LY6H: variants seen among roughly 807,000 people sequenced by gnomAD.
LY6H encodes the protein lymphocyte antigen 6H.
A neutral mutation model predicts 14.6 loss-of-function variants in LY6H; 8 were observed. The ratio of observed to expected loss-of-function variants is 0.55; its 90% CI spans 0.32 to 0.99. The LOEUF (loss-of-function observed/expected upper bound fraction) is 0.99. Ranked by LOEUF, LY6H falls within the 50% of genes least tolerant of loss-of-function variation. LY6H has a pLI of 0.04. For missense variants in LY6H, 196 were observed against 219.6 expected, an observed-to-expected ratio of 0.89 and a Z score of 0.68; for synonymous variants, 115 against 97.2, an observed-to-expected ratio of 1.18 and a Z score of -1.08.
intron 1 of LY6H, 151 bp from the exon 2 acceptor site, chr8:143,159,860 A>T (rs562046783): frequency 0.034 from 38,676 of 1,140,974 alleles, 808 homozygotes; most frequent in Non-Finnish European, 0.039. Flanking sequence ...GTCCGCCGTC[A>T]CAGCATCCCC....
intron 2 of LY6H, 186 bp downstream of exon 2, chr8:143,159,396 A>G: frequency 1.5e-6 from 1 of 653,722 alleles, no homozygotes; most frequent in African/African-American, 1.9e-5. Context: ...AGAGCGCTGG[A>G]GAGAGCCCAG....
rs56924527 is a variant in LY6H at position 143,158,012 on chromosome 8, C to A, written c.*238G>T. 10,100 of 503,270 alleles carry A rather than the reference C, an allele frequency of 0.02. 799 individuals carry two copies. The highest frequency in any genetic ancestry group is 0.17 in the African/African-American group (8,785 of 50,870). The allele number at this position is 503,270 out of a possible 1,614,324, so 31.2% of individuals were successfully genotyped here. ...TCCGGGACCTGGGGGTCCCCCCCCA[C>A]CCTCATCCCCAGGCCTCCTGCCCAG... On this transcript the variant is annotated 3_prime_UTR_variant, in exon 4 of 4. Transcript: ENST00000342752.
Position 143,160,214 on chromosome 8 carries a change from C to A in LY6H, c.-15G>T, listed in dbSNP as rs2130627059. ...CTCACTCACATCCCGGGGGTGTCCG[C>A]ACTCCGGGCTCGGGCGGCGTGCGCG... On this transcript the variant is annotated 5_prime_UTR_variant, in exon 1 of 4. Transcript: ENST00000342752. 1 of 1,283,430 alleles carries A rather than the reference C, an allele frequency of 7.8e-7. No homozygotes were observed. Among genetic ancestry groups the A allele is most frequent in the Non-Finnish European group, 9.9e-7 (1 of 1,014,480 alleles). The allele number at this position is 1,283,430 out of a possible 1,614,324, so 79.5% of individuals were successfully genotyped here. A position where few individuals can be genotyped will look rare whatever the true frequency, so the allele number is the denominator to read the frequency against.
Position 143,158,957 on chromosome 8 carries a change from C to T in LY6H, c.131-35G>A, listed in dbSNP as rs1004968162. The T allele has an allele frequency of 4.4e-6, 7 of 1,607,900 alleles. No individual in the cohort carries two copies. The African/African-American group carries it at 6.7e-5, about 15-fold the overall frequency. ...GCATGGGGAGGAGGGTGACCAGAGGCACTGGGGTCCAAACCAGGCAGCCCC... is the reference window on the plus strand; with the variant it reads ...GCATGGGGAGGAGGGTGACCAGAGGTACTGGGGTCCAAACCAGGCAGCCCC... On this transcript the variant is annotated intron_variant, in intron 2 of 3. Coordinates refer to ENST00000342752, the MANE Select transcript of LY6H (RefSeq NM_001135655.2).
chr8:143,159,368 G>C (rs1006212697), intron 2 of LY6H: 6 of 594,950 alleles, frequency 1.0e-5, no homozygotes, highest in African/African-American at 1.9e-5. Flanking sequence ...CCGCCCACCA[G>C]TTCCAGGCCC....
At position 143,158,381 on chromosome 8, in the gene LY6H, A is replaced by G. The variant is rs777337893; in HGVS notation, c.355T>C (p.Leu119=). The G allele has an allele frequency of 2.5e-6, 4 of 1,614,006 alleles. No homozygotes were observed. The highest frequency in any genetic ancestry group is 3.4e-6 in the Non-Finnish European group (4 of 1,179,970). Reference sequence around the variant, plus strand: ...TCGCAGCAGTCCACGTCGACCTTTAAGATCCCAGAGTTAATAAACCCCATC... The same window carrying G: ...TCGCAGCAGTCCACGTCGACCTTTAGGATCCCAGAGTTAATAAACCCCATC... ...YLMGFINSGI[L]KVDVDCCEKD... Residue 119 remains leucine, a synonymous_variant, in exon 4 of 4, where the codon TTA becomes CTA. Transcript: ENST00000342752.
At chr8:143,158,662 G>C (rs1815512349) in intron 3 of LY6H, 141 bp downstream of exon 3, 3 of 1,262,108 alleles carry the variant, frequency 2.4e-6, no homozygotes, top group Non-Finnish European at 3.3e-6. Flanking sequence ...AGGAGCCAGG[G>C]GGGGACAGCA....
rs765079035 is a variant in LY6H, at chr8:143,158,462, T to G, written c.274A>C (p.Lys92Gln). Residue 92 changes from lysine (K) to glutamine (Q), a missense_variant, in exon 4 of 4, where the codon AAG becomes CAG. Transcript: ENST00000342752. ...AAGTCACAGGAGGAGGCACACATCT[T>G]GTTCACCGAGTGATCCTTCCTGCCT... Reference protein sequence around the residue: ...SSSRKDHSVNKMCASSCDFVK... With the variant: ...SSSRKDHSVNQMCASSCDFVK... 8 of 1,613,666 alleles carry G rather than the reference T, an allele frequency of 5.0e-6. No homozygotes were observed. Among genetic ancestry groups the G allele is most frequent in the African/African-American group, 1.3e-5 (1 of 74,922 alleles).
In LY6H at chr8:143,159,667, G is replaced by A; in HGVS notation, c.45C>T (p.Ala15=). 1 of 1,405,164 alleles carries A rather than the reference G, an allele frequency of 7.1e-7. No homozygotes were observed. The highest frequency in any genetic ancestry group is 9.2e-7 in the Non-Finnish European group (1 of 1,091,010). 87.0% of individuals were successfully genotyped at this position (1,405,164 alleles called of 1,614,324 possible). The change falls in exon 2 of 4, where the codon GCC becomes GCT. Residue 15 remains alanine (A), a synonymous_variant. Coordinates refer to ENST00000342752, the MANE Select transcript of LY6H (RefSeq NM_001135655.2). ...GCAGCATGCTCCGGGTGGGCCTGGGGGCGGCGCGGGGGCTTGGGGCGCGGG... is the reference window on the plus strand; with the variant it reads ...GCAGCATGCTCCGGGTGGGCCTGGGAGCGGCGCGGGGGCTTGGGGCGCGGG... ...QRTRAPSPRA[A]PRPTRSMLPA... is the part of the protein sequence containing the mutation.
intron 1 of LY6H, 158 bp downstream of exon 1, chr8:143,160,040 T>TG: frequency 9.7e-7 from 1 of 1,025,688 alleles, no homozygotes; most frequent in Non-Finnish European, 1.2e-6. Context: ...GACCTGCCAC[T>TG]GGGGGGAGGG....
intron 2 of LY6H, 86 bp downstream of exon 2, chr8:143,159,496 A>C (rs1815540035): frequency 7.2e-7 from 1 of 1,380,926 alleles, no homozygotes. Context: ...GGGAACCGTC[A>C]GAGGGTGGCA....
In LY6H at chr8:143,158,117, G is replaced by A. The variant is rs1815492060; in HGVS notation, c.*133C>T. On this transcript the variant is annotated 3_prime_UTR_variant, in exon 4 of 4. Transcript: ENST00000342752. Reference sequence around the variant, plus strand: ...GACAGGGAGGCTTCACGTCGGGGGAGGAGTGAGAGCCACAGGCCACAGCCA... The same window carrying A: ...GACAGGGAGGCTTCACGTCGGGGGAAGAGTGAGAGCCACAGGCCACAGCCA... 1 of 621,200 alleles carries A rather than the reference G, an allele frequency of 1.6e-6. No individual in the cohort carries two copies. Among genetic ancestry groups the A allele is most frequent in the Admixed American group, 3.0e-5 (1 of 33,476 alleles). The allele number at this position is 621,200 out of a possible 1,614,324, so 38.5% of individuals were successfully genotyped here.
chr8:143,158,986 C>T lies in LY6H; in HGVS notation c.131-64G>A, dbSNP rs558870056. On this transcript the variant is annotated intron_variant, in intron 2 of 3. Transcript: ENST00000342752. ...GGGGTCCAAACCAGGCAGCCCCCTG[C>T]GCCCCCCACCCATCCCCCTGCTGCA... 5.6e-5 allele frequency: 88 copies of T among 1,567,576 alleles called. No individual in the cohort carries two copies. The African/African-American group carries it at 7.6e-4, about 13-fold the overall frequency.
At chr8:143,160,054 C>T in intron 1 of LY6H, 144 bp downstream of exon 1, 2 of 917,712 alleles carry the variant, frequency 2.2e-6, no homozygotes, top group Non-Finnish European at 2.8e-6. Context: ...GGGAGGGGCG[C>T]GTGCCAGGTC....
At chr8:143,159,854 GC>G in intron 1 of LY6H, 145 bp from the exon 2 acceptor site, 2 of 1,137,442 alleles carry the variant, frequency 1.8e-6, no homozygotes, top group Non-Finnish European at 2.3e-6. Flanking sequence ...CAGAGCGTCC[GC>G]CGTCACAGCA....
At position 143,158,400 on chromosome 8, in the gene LY6H, C is replaced by T. The variant is rs560897511; in HGVS notation, c.336G>A (p.Gly112=). 1.6e-3 allele frequency: 2,580 copies of T among 1,613,968 alleles called. 62 individuals carry two copies. In the South Asian group the frequency reaches 0.027, roughly 17 times the overall value. The change falls in exon 4 of 4, where the codon GGG becomes GGA. Residue 112 remains glycine (G), a synonymous_variant. Transcript: ENST00000342752. Reference sequence around the variant, plus strand: ...CCTTTAAGATCCCAGAGTTAATAAACCCCATCAGATAGTCTGAGAAAAAGT... The same window carrying T: ...CCTTTAAGATCCCAGAGTTAATAAATCCCATCAGATAGTCTGAGAAAAAGT... ...KRHFFSDYLM[G]FINSGILKVD... is the part of the protein sequence containing the mutation.
intron 3 of LY6H, 58 bp from the exon 4 acceptor site, chr8:143,158,543 T>C: frequency 6.8e-7 from 1 of 1,469,952 alleles, no homozygotes; most frequent in South Asian, 1.2e-5. Flanking sequence ...CTCTGCCTCA[T>C]CCCGAGGACC....
At chr8:143,158,963 G>T (rs771443474) in intron 2 of LY6H, 41 bp from the exon 3 acceptor site, 1 of 1,605,628 alleles carries the variant, frequency 6.2e-7, no homozygotes, top group Non-Finnish European at 8.5e-7. Context: ...GAGGCACTGG[G>T]GTCCAAACCA....
chr8:143,159,685 G>A lies in LY6H; in HGVS notation c.27C>T (p.Ala9=). MLAPQRTR[A]PSPRAAPRPT... ...GCCTGGGGGCGGCGCGGGGGCTTGG[G>A]GCGCGGGTCCTCTGGGGCGCAAGCC... is the stretch of plus-strand genomic sequence containing the variant. The change falls in exon 2 of 4, where the codon GCC becomes GCT. Residue 9 remains alanine (A), a synonymous_variant. Transcript: ENST00000342752. 7.2e-7 allele frequency: 1 copy of A among 1,391,112 alleles called. No individual in the cohort carries two copies. Among genetic ancestry groups the A allele is most frequent in the Non-Finnish European group, 9.2e-7 (1 of 1,083,178 alleles). The allele number at this position is 1,391,112 out of a possible 1,614,324, so 86.2% of individuals were successfully genotyped here. A position where few individuals can be genotyped will look rare whatever the true frequency, so the allele number is the denominator to read the frequency against.
Sources: allele counts gnomAD v4.1 joint callset, GRCh38; gene constraint gnomAD v4.1.1; transcripts MANE v1.5; gene names NCBI Gene and HGNC (gene_info 2026-07-23, HGNC 2026-07-21).